PCDH7: variants seen among roughly 807,000 people sequenced by gnomAD.
PCDH7 encodes the protein protocadherin-7.
Under a neutral mutation model 58.9 loss-of-function variants are expected in PCDH7, and 17 were observed. The observed-to-expected ratio is 0.29, with a 90% confidence interval of 0.20 to 0.43. PCDH7 has a LOEUF of 0.43. Among genes scored for constraint, PCDH7 ranks in the 20% least tolerant of loss-of-function variants. PCDH7 has a pLI of 1.00. For missense variants in PCDH7, 1,274 were observed against 1,441.0 expected (o/e 0.88, Z 1.88); for synonymous variants, 664 against 616.4 (o/e 1.08, Z -1.14).
At chr4:30,985,088 C>T (rs1750861730) in intron 3 of PCDH7, among the ~76,000 whole-genome samples, 1 of 152,110 alleles carries the variant, frequency 6.6e-6, no homozygotes, top group Non-Finnish European at 1.5e-5. Flanking sequence ...TGCCCAGTAG[C>T]TGGGATTACA....
chr4:31,078,768 A>G lies in PCDH7; in HGVS notation c.*8-63705A>G, dbSNP rs1172455562. Among the ~76,000 whole-genome samples the G allele has an allele frequency of 2.7e-5, 4 of 150,600 alleles. No homozygotes were observed. In the East Asian group the frequency reaches 7.9e-4, roughly 30 times the overall value. On this transcript the variant is annotated intron_variant, in intron 3 of 3. Coordinates refer to the PCDH7 transcript ENST00000509759. ...AAAAGTTGGCAATATAAATTTTAAG[A>G]ACAAATTTGGTGATAGGAAGAGCTT...
rs143472340 is a variant in PCDH7 at position 30,977,799 on chromosome 4, G to A, written c.*7+27584G>A. Among the ~76,000 whole-genome samples the A allele has an allele frequency of 3.8e-3, 574 of 152,160 alleles. 6 individuals carry two copies. The highest frequency in any genetic ancestry group is 0.025 in the East Asian group (131 of 5,164). The stretch of plus-strand genomic sequence containing the variant: ...CTTTTCCCCTTCCCTAGTCCTCTGA[G>A]GATCTCTGGAGTGTCATCTGATCAA... On this transcript the variant is annotated intron_variant, in intron 3 of 3. Coordinates refer to the PCDH7 transcript ENST00000509759.
At chr4:30,930,011 A>G (rs987701691) in intron 2 of PCDH7, among the ~76,000 whole-genome samples, 14 of 152,210 alleles carry the variant, frequency 9.2e-5, no homozygotes, top group African/African-American at 3.4e-4. Flanking sequence ...GCAAATTTTT[A>G]TGGACTCAAA....
At chr4:31,138,863 C>CTA (rs535133794) in intron 3 of PCDH7, among the ~76,000 whole-genome samples, 27 of 151,612 alleles carry the variant, frequency 1.8e-4, no homozygotes, top group Non-Finnish European at 3.1e-4. Context: ...ATAACTGTAG[C>CTA]TACTCAGGAG....
chr4:30,921,260 A>G (rs1743154490), intron 2 of PCDH7, among the ~76,000 whole-genome samples: 2 of 152,148 alleles, frequency 1.3e-5, no homozygotes, highest in African/African-American at 4.8e-5. Context: ...ATGGTTAAAC[A>G]GAGAGAAAGG....
intron 1 of PCDH7, among the ~76,000 whole-genome samples, chr4:30,844,758 G>C (rs948042575): frequency 3.3e-5 from 5 of 152,150 alleles, no homozygotes; most frequent in African/African-American, 1.2e-4. Context: ...TTGAGGGGCT[G>C]TGGTAGATAT....
At chr4:31,001,492 G>T (rs1752360874) in intron 3 of PCDH7, among the ~76,000 whole-genome samples, 1 of 152,032 alleles carries the variant, frequency 6.6e-6, no homozygotes, top group African/African-American at 2.4e-5. Context: ...TAAAGTATAT[G>T]TTTGTGTTTC....
chr4:31,116,018 G>A (rs941659166), intron 3 of PCDH7, among the ~76,000 whole-genome samples: 1 of 152,032 alleles, frequency 6.6e-6, no homozygotes, highest in African/African-American at 2.4e-5. Context: ...TTATTCCTGG[G>A]AGCTATAGAA....
chr4:30,954,482 A>G (rs1747656875), intron 3 of PCDH7, among the ~76,000 whole-genome samples: 1 of 152,026 alleles, frequency 6.6e-6, no homozygotes, highest in Admixed American at 6.6e-5. Context: ...CTGCTTTTTG[A>G]CATTCAGTTA....
At chr4:30,930,108 C>G (rs1345350409) in intron 2 of PCDH7, among the ~76,000 whole-genome samples, 2 of 152,058 alleles carry the variant, frequency 1.3e-5, no homozygotes, top group African/African-American at 4.8e-5. Flanking sequence ...AAAGTAAAGG[C>G]ATGAGAGGCA....
intron 1 of PCDH7, among the ~76,000 whole-genome samples, chr4:30,744,563 A>T (rs2109251782): frequency 6.6e-6 from 1 of 152,308 alleles, no homozygotes; most frequent in African/African-American, 2.4e-5. Flanking sequence ...GAATAATTAT[A>T]ATGTAGTATG....
At chr4:31,052,695 CT>C (rs765031847) in intron 3 of PCDH7, among the ~76,000 whole-genome samples, 1 of 152,072 alleles carries the variant, frequency 6.6e-6, no homozygotes, top group Non-Finnish European at 1.5e-5. Context: ...ATAAAAGGAG[CT>C]TTGTTTCTGA....
chr4:31,035,236 T>C (rs74668114), intron 3 of PCDH7, among the ~76,000 whole-genome samples: 1 of 150,640 alleles, frequency 6.6e-6, no homozygotes, highest in South Asian at 2.1e-4. Context: ...ATGTTTTTTT[T>C]CCTTTTTTCC....
chr4:31,108,934 G>T (rs1026090128), intron 3 of PCDH7, among the ~76,000 whole-genome samples: 1 of 152,094 alleles, frequency 6.6e-6, no homozygotes, highest in African/African-American at 2.4e-5. Context: ...AGCTGTTCTT[G>T]GTGGGACACA....
chr4:30,888,472 A>C (rs1451379471), intron 1 of PCDH7, among the ~76,000 whole-genome samples: 1 of 152,224 alleles, frequency 6.6e-6, no homozygotes, highest in Non-Finnish European at 1.5e-5. Flanking sequence ...ATATTTATAG[A>C]CTAGAAGAGA....
At chr4:31,098,896 G>C (rs191215613) in intron 3 of PCDH7, among the ~76,000 whole-genome samples, 199 of 152,262 alleles carry the variant, frequency 1.3e-3, no homozygotes, top group Admixed American at 4.0e-3. Flanking sequence ...TTCGCCCAAG[G>C]CCTCTCTTCT....
intron 2 of PCDH7, among the ~76,000 whole-genome samples, chr4:30,939,153 C>T (rs533156931): frequency 6.6e-6 from 1 of 152,112 alleles, no homozygotes; most frequent in African/African-American, 2.4e-5. Flanking sequence ...CAATGCACAA[C>T]AACAGGTCTC....
In PCDH7 at chr4:31,121,568, C is replaced by A. The variant is rs1717696290; in HGVS notation, c.*8-20905C>A. On this transcript the variant is annotated intron_variant, in intron 3 of 3. Transcript: ENST00000509759. ...TTGTGGACTTTTTATGTTCCTGTAT[C>A]TTTTTATATACAATCAGGAAAATAT... Among the ~76,000 whole-genome samples the A allele has an allele frequency of 2.6e-5, 4 of 152,186 alleles. No individual in the cohort carries two copies. The South Asian group carries it at 6.2e-4, about 24-fold the overall frequency.
chr4:31,098,603 T>C (rs144256799), intron 3 of PCDH7, among the ~76,000 whole-genome samples: 3 of 152,314 alleles, frequency 2.0e-5, no homozygotes, highest in African/African-American at 7.2e-5. Flanking sequence ...TACAACTTTA[T>C]GATTATTGCA....
Sources: gnomAD v4.1 joint callset for allele counts (sites outside exome capture counted in the v4.1 genomes callset) on GRCh38, gnomAD v4.1.1 for gene constraint, MANE v1.5 for transcripts, NCBI Gene and HGNC (gene_info 2026-07-23, HGNC 2026-07-21) for gene names.